Variants in ATCAY observed in about 807,000 individuals in gnomAD.
ATCAY encodes caytaxin.
In ATCAY, 22 loss-of-function variants were observed where a neutral mutation model predicts 47.7. The ratio of observed to expected loss-of-function variants is 0.46; its 90% CI spans 0.33 to 0.66. The LOEUF (loss-of-function observed/expected upper bound fraction) is 0.66, where lower values mean the gene tolerates loss of function less well. Ranked by LOEUF, ATCAY falls within the 30% of genes least tolerant of loss-of-function variation. The probability of loss-of-function intolerance (pLI) is 0.02; values close to 1 mark genes in which losing one functional copy is unlikely to be tolerated. For synonymous variants in ATCAY, 216 were observed against 207.6 expected (o/e 1.04, Z -0.35); for missense variants, 452 against 515.0 (o/e 0.88, Z 1.18).
At chr19:3,905,820 C>T (rs1303369867) in intron 4 of ATCAY, among the ~76,000 whole-genome samples, 165 bp downstream of exon 4, 1 of 152,000 alleles carries the variant, frequency 6.6e-6, no homozygotes, top group African/African-American at 2.4e-5. Context: ...GTGATCATGC[C>T]ACTGCACTCC....
At chr19:3,911,775 C>T (rs1599143387) in intron 8 of ATCAY, among the ~76,000 whole-genome samples, 3 of 152,266 alleles carry the variant, frequency 2.0e-5, no homozygotes, top group South Asian at 4.1e-4. Flanking sequence ...CTAATGTTCA[C>T]GTTCCCAGTT....
Position 3,920,920 on chromosome 19 carries a change from A to G in ATCAY, c.1106+122A>G, listed in dbSNP as rs1291457282. 1.2e-5 allele frequency: 15 copies of G among 1,222,552 alleles called. No homozygotes were observed. The East Asian group carries it at 3.9e-4, about 32-fold the overall frequency. The allele number at this position is 1,222,552 out of a possible 1,614,324, so 75.7% of individuals were successfully genotyped here. A position where few individuals can be genotyped will look rare whatever the true frequency, so the allele number is the denominator to read the frequency against. ...AGCTGCCAGCAAATATAAAGCAGGCAGGGATCCTAATCCCAGGAAAACTGC... is the reference window on the plus strand; with the variant it reads ...AGCTGCCAGCAAATATAAAGCAGGCGGGGATCCTAATCCCAGGAAAACTGC... On this transcript the variant is annotated intron_variant, in intron 12 of 12. Transcript: ENST00000450849.
rs2038604539 is a variant in ATCAY, at chr19:3,881,876, C to CA, written c.-42+868_-42+869insA. On this transcript the variant is annotated intron_variant, in intron 1 of 12. Transcript: ENST00000450849. ...CTGGCTGCTGCCACCGCCCCCCCCC[C>CA]GACCCCATAGCATCCAGGAGGGATT... Among the ~76,000 whole-genome samples the CA allele has an allele frequency of 1.0e-3, 145 of 139,806 alleles. 4 individuals are homozygous for CA. The highest frequency in any genetic ancestry group is 3.9e-3 in the African/African-American group (140 of 35,954). The allele number at this position is 139,806 out of a possible 152,430, so 91.7% of individuals were successfully genotyped here. A position where few individuals can be genotyped will look rare whatever the true frequency, so the allele number is the denominator to read the frequency against.
intron 2 of ATCAY, among the ~76,000 whole-genome samples, chr19:3,890,688 A>G (rs1453790642): frequency 2.0e-5 from 3 of 152,120 alleles, no homozygotes; most frequent in Non-Finnish European, 2.9e-5. Flanking sequence ...CGGGAGCGGG[A>G]GGAGGGTGTG....
intron 8 of ATCAY, among the ~76,000 whole-genome samples, chr19:3,911,610 T>G (rs568274107): frequency 8.6e-5 from 13 of 151,950 alleles, no homozygotes; most frequent in African/African-American, 2.9e-4. Context: ...ACATATATTC[T>G]ATAATGTATA....
At position 3,927,726 on chromosome 19, in the gene ATCAY, GCATGCCGAGGT is replaced by G. The variant is rs1196594574; in HGVS notation, c.*3137_*3147del. On this transcript the variant is annotated 3_prime_UTR_variant, in exon 13 of 13. Coordinates refer to ENST00000450849, the MANE Select transcript of ATCAY (RefSeq NM_033064.5). ...CCCCGGCGAGGCCACCTGTCGGCAGGCATGCCGAGGTCAAACAGCCGGGGCCACCGTTCCCA... is the reference window on the plus strand; with the variant it reads ...CCCCGGCGAGGCCACCTGTCGGCAGGCAAACAGCCGGGGCCACCGTTCCCA... 6.6e-6 allele frequency: 1 copy of G among 152,306 alleles called. No individual in the cohort carries two copies. The highest frequency in any genetic ancestry group is 1.9e-4 in the East Asian group (1 of 5,182). The allele number at this position is 152,306 out of a possible 1,614,324, so 9.4% of individuals were successfully genotyped here.
At chr19:3,908,423 G>A (rs2038885705) in intron 6 of ATCAY, 53 bp downstream of exon 6, 2 of 1,431,658 alleles carry the variant, frequency 1.4e-6, no homozygotes, top group Non-Finnish European at 1.9e-6. Context: ...TGCCTCCCTG[G>A]CCACAGGGGC....
At chr19:3,884,653 G>T (rs549161526) in intron 1 of ATCAY, among the ~76,000 whole-genome samples, 1 of 152,068 alleles carries the variant, frequency 6.6e-6, no homozygotes, top group East Asian at 1.9e-4. Flanking sequence ...GGTAGATTTC[G>T]AAGTTTCCAA....
chr19:3,884,101 C>G (rs1359133956), intron 1 of ATCAY, among the ~76,000 whole-genome samples: 1 of 151,966 alleles, frequency 6.6e-6, no homozygotes, highest in African/African-American at 2.4e-5. Context: ...CCCGAAAGTT[C>G]AAGACCAGCC....
intron 9 of ATCAY, among the ~76,000 whole-genome samples, chr19:3,915,103 ATTT>A (rs547505616): frequency 6.6e-6 from 1 of 152,056 alleles, no homozygotes; most frequent in Non-Finnish European, 1.5e-5. Context: ...TTAAACGTAC[ATTT>A]TTTTATTGTG....
In ATCAY at chr19:3,908,167, C is replaced by T. The variant is rs918416456; in HGVS notation, c.545-101C>T. The T allele has an allele frequency of 1.3e-5, 15 of 1,134,520 alleles. 1 individual carries two copies. In the Admixed American group the frequency reaches 2.7e-4, roughly 20 times the overall value. 70.3% of individuals were successfully genotyped at this position (1,134,520 alleles called of 1,614,324 possible). A position where few individuals can be genotyped will look rare whatever the true frequency, so the allele number is the denominator to read the frequency against. On this transcript the variant is annotated intron_variant, in intron 5 of 12. Transcript: ENST00000450849. ...GGCTGCTGTGGCTCGGAGCCATGCCCTCCCGAGCGTGTGGGCACCGGGACG... is the reference window on the plus strand; with the variant it reads ...GGCTGCTGTGGCTCGGAGCCATGCCTTCCCGAGCGTGTGGGCACCGGGACG...
At chr19:3,884,798 G>T (rs1167759837) in intron 1 of ATCAY, among the ~76,000 whole-genome samples, 1 of 151,972 alleles carries the variant, frequency 6.6e-6, no homozygotes, top group African/African-American at 2.4e-5. Flanking sequence ...CTCGGTGATG[G>T]TTCAATAAGA....
chr19:3,911,538 T>A (rs959563558), intron 8 of ATCAY, among the ~76,000 whole-genome samples: 5 of 148,522 alleles, frequency 3.4e-5, no homozygotes, highest in Admixed American at 6.9e-5. Context: ...AAAAATAAAA[T>A]ATATATATAT....
Position 3,907,673 on chromosome 19 carries a change from C to T in ATCAY, c.359-61C>T. The stretch of plus-strand genomic sequence containing the variant: ...GTGGGAGAGGGGAAGGAAGGCTGAG[C>T]AGGAGGGCAGGAGATATCCGGACTC... On this transcript the variant is annotated intron_variant, in intron 4 of 12. Transcript: ENST00000450849. The surrounding 1 kb of genome is among the most constrained non-coding windows in gnomAD (Gnocchi z 5.1). 1 of 1,587,908 alleles carries T rather than the reference C, an allele frequency of 6.3e-7. No homozygotes were observed. Among genetic ancestry groups the T allele is most frequent in the Non-Finnish European group, 8.6e-7 (1 of 1,163,172 alleles).
intron 11 of ATCAY, among the ~76,000 whole-genome samples, chr19:3,919,961 G>T (rs905672569): frequency 6.6e-5 from 10 of 152,148 alleles, no homozygotes; most frequent in Non-Finnish European, 1.0e-4. Context: ...GGGCTCATTT[G>T]TTACGCAGCA....
intron 2 of ATCAY, among the ~76,000 whole-genome samples, chr19:3,889,625 T>A (rs1267937092): frequency 6.6e-6 from 1 of 152,014 alleles, no homozygotes; most frequent in Non-Finnish European, 1.5e-5. Flanking sequence ...TAAAATAATG[T>A]CATTTCAAGC....
In ATCAY at chr19:3,887,413, G is replaced by A. The variant is rs545348751; in HGVS notation, c.77+1569G>A. Among the ~76,000 whole-genome samples the A allele has an allele frequency of 7.2e-5, 11 of 152,026 alleles. 1 individual carries two copies. The highest frequency in any genetic ancestry group is 2.4e-4 in the African/African-American group (10 of 41,504). On this transcript the variant is annotated intron_variant, in intron 2 of 12. Transcript: ENST00000450849. The stretch of plus-strand genomic sequence containing the variant: ...GCAGAGGTTGCAGCGAGCCATGATT[G>A]CAGCCCTGCACTCCAGTCTGGGTGA...
rs755437219 is a variant in ATCAY at position 3,909,614 on chromosome 19, G to A, written c.776G>A (p.Arg259Gln). 58 of 1,588,052 alleles carry A rather than the reference G, an allele frequency of 3.7e-5. No homozygotes were observed. Among genetic ancestry groups the A allele is most frequent in the Non-Finnish European group, 4.4e-5 (51 of 1,167,270 alleles). ...WLKKCYQMID[R>Q]RLRKNLKSLI... ...AAGAAGTGCTACCAGATGATCGACC[G>A]GAGGTGAGGTGGGGATGCCTCAGGA... Residue 259 changes from arginine to glutamine, a missense_variant, in exon 7 of 13, where the codon CGG becomes CAG. Physicochemically the swap from Arg to Gln is conservative, Grantham distance 43 (BLOSUM62 1). Coordinates refer to ENST00000450849, the MANE Select transcript of ATCAY (RefSeq NM_033064.5).
rs770582696 is a variant in ATCAY at position 3,885,793 on chromosome 19, G to A, written c.26G>A (p.Arg9Gln). Residue 9 changes from arginine to glutamine, a missense_variant, in exon 2 of 13, where the codon CGG becomes CAG. By Grantham distance (43) the Arg-to-Gln change is conservative (BLOSUM62 1). Transcript: ENST00000450849. ...ATGGGGACCACCGAAGCCACGCTCCGGATGGAAAACGTGGACGTGAAGGAG... is the reference window on the plus strand; with the variant it reads ...ATGGGGACCACCGAAGCCACGCTCCAGATGGAAAACGTGGACGTGAAGGAG... MGTTEATLRMENVDVKEEW... is the reference protein window; with the variant it reads MGTTEATLQMENVDVKEEW... 37 of 1,551,764 alleles carry A rather than the reference G, an allele frequency of 2.4e-5. 1 individual carries two copies. Among genetic ancestry groups the A allele is most frequent in the East Asian group, 2.4e-5 (1 of 40,936 alleles).
Sources: gnomAD v4.1 joint callset for allele counts (sites outside exome capture counted in the v4.1 genomes callset) on GRCh38, gnomAD v4.1.1 for gene constraint, Gnocchi (gnomAD v3.1) non-coding constraint, MANE v1.5 for transcripts, NCBI Gene and HGNC (gene_info 2026-07-23, HGNC 2026-07-21) for gene names.